Variants in CTNND2 observed in about 807,000 individuals in gnomAD.
The protein encoded by CTNND2 is catenin delta 2.
CTNND2 carries 22 observed loss-of-function variants against 144.4 expected under a neutral mutation model. The observed-to-expected ratio is 0.15, with a 90% CI of 0.11 to 0.22. The LOEUF is 0.22. Among genes scored for constraint, CTNND2 ranks in the 10% least tolerant of loss-of-function variants. The pLI, the probability that CTNND2 is intolerant of heterozygous loss-of-function variation, is 1.00. For missense variants in CTNND2, 1,353 were observed against 1,618.8 expected, an observed-to-expected ratio of 0.84 and a Z score of 2.82; for synonymous variants, 751 against 695.6, an observed-to-expected ratio of 1.08 and a Z score of -1.25.
chr5:11,450,679 C>T (rs776718108), intron 3 of CTNND2, among the ~76,000 whole-genome samples: 55 of 152,066 alleles, frequency 3.6e-4, no homozygotes, highest in Non-Finnish European at 7.4e-4. Context: ...GCGGGTGGAT[C>T]ACGAGGTCAG....
At chr5:11,841,897 A>G (rs1470732691) in intron 1 of CTNND2, among the ~76,000 whole-genome samples, 4 of 151,536 alleles carry the variant, frequency 2.6e-5, no homozygotes, top group Non-Finnish European at 2.9e-5. Context: ...GTATCAATCA[A>G]TCGCACTCCC....
chr5:11,855,175 T>C (rs1795197792), intron 1 of CTNND2, among the ~76,000 whole-genome samples: 2 of 152,112 alleles, frequency 1.3e-5, no homozygotes, highest in Non-Finnish European at 1.5e-5. Flanking sequence ...AAAGGATTTG[T>C]GGAAAAGGCT....
intron 3 of CTNND2, among the ~76,000 whole-genome samples, chr5:11,541,839 C>CG (rs1491213146): frequency 1.6e-3 from 102 of 64,050 alleles, no homozygotes; most frequent in African/African-American, 5.8e-3. Context: ...TTATTATCGA[C>CG]CCCCCCCCCC....
At chr5:11,204,670 A>AT (rs1186490780) in intron 10 of CTNND2, among the ~76,000 whole-genome samples, 1 of 152,190 alleles carries the variant, frequency 6.6e-6, no homozygotes, top group Non-Finnish European at 1.5e-5. Context: ...TCAATGAGTA[A>AT]TTTATAGCAT....
intron 12 of CTNND2, among the ~76,000 whole-genome samples, chr5:11,144,859 G>A (rs1261493839): frequency 1.3e-5 from 2 of 152,048 alleles, no homozygotes; most frequent in African/African-American, 2.4e-5. Context: ...TGCATAAGAC[G>A]ACCCAGTGCT....
chr5:11,904,203 C>T lies in CTNND2; in HGVS notation c.-350G>A, dbSNP rs907612514. ...AGAGCAGCCGCCGCGCCCGCAGCTC[C>T]GCTCAGCCGGCTGTCGCCGCGGGCG... is the stretch of plus-strand genomic sequence containing the variant. On this transcript the variant is annotated 5_prime_UTR_variant, in exon 1 of 22. Transcript: ENST00000304623. This position sits in a 1 kb window ranked among gnomAD's most constrained non-coding sequence, Gnocchi z 4.2. Among the ~76,000 whole-genome samples the T allele has an allele frequency of 3.0e-3, 430 of 145,672 alleles. 1 individual carries two copies. Among genetic ancestry groups the T allele is most frequent in the Non-Finnish European group, 5.7e-3 (371 of 65,554 alleles).
intron 2 of CTNND2, among the ~76,000 whole-genome samples, chr5:11,594,455 A>T (rs183874005): frequency 6.6e-6 from 1 of 152,192 alleles, no homozygotes; most frequent in Non-Finnish European, 1.5e-5. Flanking sequence ...CAGGAATATT[A>T]TTTACTTACT....
At chr5:11,458,947 T>G (rs912158919) in intron 3 of CTNND2, among the ~76,000 whole-genome samples, 12 of 151,896 alleles carry the variant, frequency 7.9e-5, no homozygotes, top group Non-Finnish European at 1.8e-4. Context: ...TTTTTTTTTT[T>G]TTGGTAGAGA....
intron 9 of CTNND2, among the ~76,000 whole-genome samples, chr5:11,257,125 T>A (rs1744335556): frequency 6.6e-6 from 1 of 152,258 alleles, no homozygotes; most frequent in Non-Finnish European, 1.5e-5. Context: ...TTTGTTGGCT[T>A]ATTTCTTGCT....
chr5:11,809,846 T>A (rs981632378), intron 1 of CTNND2, among the ~76,000 whole-genome samples: 2 of 152,216 alleles, frequency 1.3e-5, no homozygotes, highest in African/African-American at 4.8e-5. Flanking sequence ...ACTGCGGTCC[T>A]ATTGTAAATA....
At chr5:11,785,651 T>C (rs1341433743) in intron 1 of CTNND2, among the ~76,000 whole-genome samples, 3 of 46,216 alleles carry the variant, frequency 6.5e-5, no homozygotes, top group Non-Finnish European at 1.7e-4. Flanking sequence ...GCAGGTTAAA[T>C]AGTGGAAAAA....
Position 11,154,703 on chromosome 5 carries a change from C to T in CTNND2, c.2159+4873G>A, listed in dbSNP as rs535148374. ...CACAAACTGGGTGGCTTAAAACAAC[C>T]GAAACTTATTATCTCACGTTCTGGA... On this transcript the variant is annotated intron_variant, in intron 12 of 21. Transcript: ENST00000304623. 8.5e-5 allele frequency among the ~76,000 whole-genome samples: 13 copies of T among 152,240 alleles called. No homozygotes were observed. The East Asian group carries it at 1.4e-3, about 16-fold the overall frequency.
In CTNND2 at chr5:11,091,056, A is replaced by C. The variant is rs546192273; in HGVS notation, c.2637+7519T>G. On this transcript the variant is annotated intron_variant, in intron 15 of 21. Coordinates refer to ENST00000304623, the MANE Select transcript of CTNND2 (RefSeq NM_001332.4). The stretch of plus-strand genomic sequence containing the variant: ...ATCTGTGAGTGTATGAGTTTCATTA[A>C]ATTTGGGAAATTTTCAGTCATTATT... Among the ~76,000 whole-genome samples, 86 of 152,110 alleles carry C rather than the reference A, an allele frequency of 5.7e-4. 1 individual carries two copies. The highest frequency in any genetic ancestry group is 1.9e-3 in the African/African-American group (80 of 41,482).
In CTNND2 at chr5:10,973,862, T is replaced by A. The variant is rs945719334; in HGVS notation, c.3418-149A>T. The A allele has an allele frequency of 1.1e-5, 9 of 837,694 alleles. No individual in the cohort carries two copies. The African/African-American group carries it at 1.6e-4, about 14-fold the overall frequency. The allele number at this position is 837,694 out of a possible 1,614,324, so 51.9% of individuals were successfully genotyped here. On this transcript the variant is annotated intron_variant, in intron 21 of 21. Coordinates refer to ENST00000304623, the MANE Select transcript of CTNND2 (RefSeq NM_001332.4). The surrounding 1 kb of genome is among the most constrained non-coding windows in gnomAD (Gnocchi z 5.6). ...GCCCTGCTTCTCCAAAACTGCCAAC[T>A]GTCATTGGCTTTCCTTTTGAAAATT...
chr5:11,124,296 C>CA (rs1437788741), intron 12 of CTNND2, among the ~76,000 whole-genome samples: 2 of 152,034 alleles, frequency 1.3e-5, no homozygotes, highest in Non-Finnish European at 2.9e-5. Context: ...CGTAAAAATG[C>CA]AAAAAATTGG....
At chr5:11,849,885 G>A (rs556595275) in intron 1 of CTNND2, among the ~76,000 whole-genome samples, 6 of 152,214 alleles carry the variant, frequency 3.9e-5, no homozygotes, top group South Asian at 2.1e-4. Context: ...GGAAAATCAC[G>A]AGCCTTGTAG....
chr5:11,488,482 G>A (rs1769064606), intron 3 of CTNND2, among the ~76,000 whole-genome samples: 1 of 152,116 alleles, frequency 6.6e-6, no homozygotes, highest in South Asian at 2.1e-4. Context: ...TTACGTTTTT[G>A]AAATTGCTAT....
At chr5:11,664,155 G>T (rs913435898) in intron 2 of CTNND2, among the ~76,000 whole-genome samples, 1 of 152,136 alleles carries the variant, frequency 6.6e-6, no homozygotes, top group African/African-American at 2.4e-5. Context: ...TGCTAACCTT[G>T]ATACCTTTAT....
intron 19 of CTNND2, among the ~76,000 whole-genome samples, chr5:10,991,746 G>A (rs551625218): frequency 6.6e-6 from 1 of 152,330 alleles, no homozygotes; most frequent in East Asian, 1.9e-4. Flanking sequence ...TTTATCAGTG[G>A]CATCTGCCGG....
Sources: allele counts gnomAD v4.1 joint callset (sites outside exome capture counted in the v4.1 genomes callset), GRCh38; gene constraint gnomAD v4.1.1; non-coding constraint Gnocchi (gnomAD v3.1); transcripts MANE v1.5; gene names NCBI Gene and HGNC (gene_info 2026-07-23, HGNC 2026-07-21).